The following CPO variants were observed in gnomAD, a reference collection of about 807,000 sequenced individuals.
The protein encoded by CPO is metallocarboxypeptidase C.
Under a neutral mutation model 41.2 loss-of-function variants are expected in CPO, and 43 were observed. The observed-to-expected ratio is 1.04, with a 90% CI of 0.82 to 1.35. CPO has a LOEUF of 1.35. CPO is among the 40% of genes most tolerant of loss of function. CPO has a pLI of 0.00. For synonymous variants in CPO, 178 were observed against 162.7 expected (o/e 1.09, Z -0.72); for missense variants, 408 against 451.7 (o/e 0.90, Z 0.88).
intron 2 of CPO, 70 bp downstream of exon 2, chr2:206,949,783 C>A: frequency 1.1e-6 from 1 of 948,124 alleles, no homozygotes; most frequent in South Asian, 1.3e-5. Context: ...AAGAATGGTT[C>A]ACTAGTAATA....
intron 7 of CPO, among the ~76,000 whole-genome samples, chr2:206,967,873 G>A (rs1693615101): frequency 6.6e-6 from 1 of 152,150 alleles, no homozygotes; most frequent in African/African-American, 2.4e-5. Context: ...CTTGAAAGAA[G>A]GATTGGTGAG....
chr2:206,954,076 C>T (rs1382775655), intron 2 of CPO, among the ~76,000 whole-genome samples: 1 of 152,164 alleles, frequency 6.6e-6, no homozygotes, highest in Non-Finnish European at 1.5e-5. Flanking sequence ...TCCTAGGCCT[C>T]CAGGCCTGTG....
intron 3 of CPO, among the ~76,000 whole-genome samples, chr2:206,957,904 C>G (rs377752551): frequency 9.2e-5 from 14 of 152,136 alleles, no homozygotes. Flanking sequence ...TTGAATATTA[C>G]CTCTTGTGCA....
intron 7 of CPO, among the ~76,000 whole-genome samples, chr2:206,967,187 A>G (rs1574357847): frequency 1.3e-5 from 2 of 152,036 alleles, no homozygotes; most frequent in East Asian, 3.9e-4. Flanking sequence ...ATCTGTCAGC[A>G]AACCTAGGCG....
chr2:206,962,553 G>A lies in CPO; in HGVS notation c.716G>A (p.Gly239Glu). The change falls in exon 7 of 9, where the codon GGG (glycine) becomes GAG (glutamate). Residue 239 changes from glycine to glutamate, a missense_variant. Physicochemically the swap from Gly to Glu is moderately conservative, Grantham distance 98 (BLOSUM62 -2). Transcript: ENST00000272852. Reference sequence around the variant, plus strand: ...TGCTTCCTGACCATGCACTCTTATGGGCAGTTAATTCTCACACCTTACGGC... The same window carrying A: ...TGCTTCCTGACCATGCACTCTTATGAGCAGTTAATTCTCACACCTTACGGC... Reference protein sequence around the residue: ...ILCFLTMHSYGQLILTPYGYT... With the variant: ...ILCFLTMHSYEQLILTPYGYT... 1 of 1,614,012 alleles carries A rather than the reference G, an allele frequency of 6.2e-7. No individual in the cohort carries two copies. The highest frequency in any genetic ancestry group is 8.5e-7 in the Non-Finnish European group (1 of 1,179,992).
intron 2 of CPO, among the ~76,000 whole-genome samples, chr2:206,953,373 T>A (rs918416378): frequency 6.6e-6 from 1 of 152,004 alleles, no homozygotes; most frequent in African/African-American, 2.4e-5. Flanking sequence ...GCAAAAAAAA[T>A]GGCTAAAACA....
At chr2:206,957,306 G>T (rs1159343866) in intron 3 of CPO, among the ~76,000 whole-genome samples, 3 of 151,780 alleles carry the variant, frequency 2.0e-5, no homozygotes, top group Non-Finnish European at 4.4e-5. Flanking sequence ...AACCCGAGAG[G>T]TGGAGGTTGC....
chr2:206,968,318 A>G lies in CPO; in HGVS notation c.833A>G (p.Tyr278Cys), dbSNP rs754052360. 3 of 1,610,674 alleles carry G rather than the reference A, an allele frequency of 1.9e-6. No individual in the cohort carries two copies. Among genetic ancestry groups the G allele is most frequent in the East Asian group, 2.2e-5 (1 of 44,832 alleles). Reference sequence around the variant, plus strand: ...TTGAAAGCAAAGTATGGAACCAATTATAGAGTTGGATCGAGTGCAGATATT... The same window carrying G: ...TTGAAAGCAAAGTATGGAACCAATTGTAGAGTTGGATCGAGTGCAGATATT... Reference protein sequence around the residue: ...NALKAKYGTNYRVGSSADILY... With the variant: ...NALKAKYGTNCRVGSSADILY... The change falls in exon 8 of 9, where the codon TAT (tyrosine) becomes TGT (cysteine). Residue 278 changes from tyrosine (Y) to cysteine (C), a missense_variant. Tyr to Cys is a radical substitution (Grantham distance 194, BLOSUM62 -2). Transcript: ENST00000272852.
chr2:206,943,880 T>C (rs758378160), intron 1 of CPO, among the ~76,000 whole-genome samples: 12 of 152,278 alleles, frequency 7.9e-5, no homozygotes, highest in Non-Finnish European at 1.2e-4. Flanking sequence ...TATTATTGGC[T>C]ATGCTTGAGT....
In CPO at chr2:206,952,488, T is replaced by C. The variant is rs377328741; in HGVS notation, c.165+2775T>C. Among the ~76,000 whole-genome samples the C allele has an allele frequency of 1.1e-4, 16 of 152,346 alleles. No individual in the cohort carries two copies. In the East Asian group the frequency reaches 3.1e-3, roughly 29 times the overall value. On this transcript the variant is annotated intron_variant, in intron 2 of 8. Coordinates refer to ENST00000272852, the MANE Select transcript of CPO (RefSeq NM_173077.3). ...ATATAGAAATTGATTGTAAGAGGTG[T>C]GAAATGCTGATGATTGTCTGAATAT...
chr2:206,945,048 G>T (rs539075330), intron 1 of CPO, among the ~76,000 whole-genome samples: 1 of 152,140 alleles, frequency 6.6e-6, no homozygotes, highest in Non-Finnish European at 1.5e-5. Flanking sequence ...ACTAGGAATT[G>T]ACTATATGTC....
Position 206,969,158 on chromosome 2 carries a change from A to G in CPO, c.863-16A>G. ...AAGTATGACTTCTACCTCTGCCTTC[A>G]TGTTTTCACCTGTAGATGCCTCATC... On this transcript the variant is annotated splice_polypyrimidine_tract_variant and intron_variant, in intron 8 of 8. Transcript: ENST00000272852. 3 of 1,612,132 alleles carry G rather than the reference A, an allele frequency of 1.9e-6. No homozygotes were observed. The highest frequency in any genetic ancestry group is 2.5e-6 in the Non-Finnish European group (3 of 1,178,274).
At chr2:206,965,042 C>T (rs1235564201) in intron 7 of CPO, among the ~76,000 whole-genome samples, 1 of 152,098 alleles carries the variant, frequency 6.6e-6, no homozygotes, top group Admixed American at 6.6e-5. Context: ...AGCAAGACAG[C>T]AGGAGGGACC....
chr2:206,955,732 G>A (rs1320260658), intron 3 of CPO, among the ~76,000 whole-genome samples, 168 bp downstream of exon 3: 1 of 152,100 alleles, frequency 6.6e-6, no homozygotes, highest in African/African-American at 2.4e-5. Flanking sequence ...AGATGCTCTT[G>A]CCTTAATTAT....
chr2:206,941,554 A>C (rs1693029978), intron 1 of CPO, among the ~76,000 whole-genome samples: 1 of 152,132 alleles, frequency 6.6e-6, no homozygotes, highest in Admixed American at 6.6e-5. Context: ...AAATTATTGA[A>C]GTGACTAGGC....
At chr2:206,961,199 A>C (rs1223798441) in intron 6 of CPO, among the ~76,000 whole-genome samples, 1 of 152,208 alleles carries the variant, frequency 6.6e-6, no homozygotes, top group African/African-American at 2.4e-5. Context: ...ATATATTTCA[A>C]ATCCATCCCT....
At chr2:206,963,342 C>T (rs980573072) in intron 7 of CPO, among the ~76,000 whole-genome samples, 27 of 151,824 alleles carry the variant, frequency 1.8e-4, no homozygotes, top group African/African-American at 6.3e-4. Context: ...ATTTTTTTTC[C>T]GTTTTAATTG....
intron 1 of CPO, 33 bp from the exon 2 acceptor site, chr2:206,949,584 A>G (rs760710523): frequency 6.6e-7 from 1 of 1,524,570 alleles, no homozygotes; most frequent in Non-Finnish European, 9.1e-7. Flanking sequence ...CAGTTTCACC[A>G]CTGCTTTTCC....
rs1252284846 is a variant in CPO, at chr2:206,959,643, C to T, written c.385C>T (p.His129Tyr). The change falls in exon 5 of 9, where the codon CAT becomes TAT. Residue 129 changes from histidine (H) to tyrosine (Y), a missense_variant. Coordinates refer to ENST00000272852, the MANE Select transcript of CPO (RefSeq NM_173077.3). ...CTTAAATTTCCAGATTCTACAAAACCATAAAGACAACTCAAGTATACGCAA... is the reference window on the plus strand; with the variant it reads ...CTTAAATTTCCAGATTCTACAAAACTATAAAGACAACTCAAGTATACGCAA... ...QWFVKEILQN[H>Y]KDNSSIRKLL... 2 of 1,442,574 alleles carry T rather than the reference C, an allele frequency of 1.4e-6. No individual in the cohort carries two copies. Among genetic ancestry groups the T allele is most frequent in the African/African-American group, 1.4e-5 (1 of 71,314 alleles). 89.4% of individuals were successfully genotyped at this position (1,442,574 alleles called of 1,614,324 possible). A position where few individuals can be genotyped will look rare whatever the true frequency, so the allele number is the denominator to read the frequency against.
Sources: gnomAD v4.1 joint callset for allele counts (sites outside exome capture counted in the v4.1 genomes callset) on GRCh38, gnomAD v4.1.1 for gene constraint, MANE v1.5 for transcripts, NCBI Gene and HGNC (gene_info 2026-07-23, HGNC 2026-07-21) for gene names.